The following RERE variants were observed in gnomAD, a reference collection of about 807,000 sequenced individuals.
RERE encodes the protein arginine-glutamic acid dipeptide repeats protein.
A neutral mutation model predicts 146.1 loss-of-function variants in RERE; 40 were observed. That is an observed-to-expected ratio of 0.27 (90% CI 0.21 to 0.36). The LOEUF (loss-of-function observed/expected upper bound fraction) is 0.36. Among genes scored for constraint, RERE ranks in the 10% least tolerant of loss-of-function variants. The pLI, the probability that RERE is intolerant of heterozygous loss-of-function variation, is 1.00. For synonymous variants in RERE, 1,003 were observed against 866.0 expected (o/e 1.16, Z -2.78); for missense variants, 1,933 against 2,138.7 (o/e 0.90, Z 1.90).
rs531206359 is a variant in RERE, at chr1:8,408,706, A to G, written c.1284+14021T>C. Among the ~76,000 whole-genome samples, 30 of 152,338 alleles carry G rather than the reference A, an allele frequency of 2.0e-4. 1 individual carries two copies. The highest frequency in any genetic ancestry group is 6.2e-4 in the South Asian group (3 of 4,826). ...ATATCCTCCACATTAAACAACAGGG[A>G]GGACTTTTCAAAATAAAAGCAGAAA... is the stretch of plus-strand genomic sequence containing the variant. On this transcript the variant is annotated intron_variant, in intron 12 of 22. Transcript: ENST00000400908.
At chr1:8,432,658 T>C (rs1398201304) in intron 11 of RERE, among the ~76,000 whole-genome samples, 5 of 152,208 alleles carry the variant, frequency 3.3e-5, no homozygotes, top group African/African-American at 1.2e-4. Context: ...GAGTATTTCA[T>C]GTCTTGTGTA....
intron 6 of RERE, among the ~76,000 whole-genome samples, chr1:8,546,423 T>C (rs1384616210): frequency 6.6e-6 from 1 of 152,222 alleles, no homozygotes; most frequent in Non-Finnish European, 1.5e-5. Context: ...TTTTCCTTAG[T>C]AAACTACAAT....
At chr1:8,585,711 G>T (rs1475629762) in intron 4 of RERE, among the ~76,000 whole-genome samples, 1 of 152,126 alleles carries the variant, frequency 6.6e-6, no homozygotes, top group African/African-American at 2.4e-5. Context: ...CATCAAATAG[G>T]TTTAAGAATA....
At chr1:8,433,191 G>A (rs562260801) in intron 11 of RERE, among the ~76,000 whole-genome samples, 6 of 152,310 alleles carry the variant, frequency 3.9e-5, no homozygotes, top group Admixed American at 3.9e-4. Flanking sequence ...GGTGCAAGAT[G>A]GGTGTCTAGG....
chr1:8,814,006 C>T (rs1641864405), intron 1 of RERE, among the ~76,000 whole-genome samples: 1 of 152,146 alleles, frequency 6.6e-6, no homozygotes, highest in Admixed American at 6.6e-5. Context: ...ATTTGGATTA[C>T]CTTTTTGTTG....
intron 8 of RERE, among the ~76,000 whole-genome samples, chr1:8,501,386 G>GA (rs1226809830): frequency 8.2e-5 from 5 of 60,930 alleles, no homozygotes; most frequent in Admixed American, 1.6e-4. Flanking sequence ...AAGGTGGGGG[G>GA]TCAGCCCCCC....
At chr1:8,773,980 C>G (rs1641006769) in intron 1 of RERE, among the ~76,000 whole-genome samples, 1 of 152,178 alleles carries the variant, frequency 6.6e-6, no homozygotes. Flanking sequence ...TTACTCAAGT[C>G]TTTGACATCA....
rs70982795 is a variant in RERE, at chr1:8,591,428, T to TAA, written c.522+23131_522+23132dup. On this transcript the variant is annotated intron_variant, in intron 4 of 22. Transcript: ENST00000400908. Reference sequence around the variant, plus strand: ...ATGGCCATCAGCACTCTTTTTGCTTTAAAAAAAAAAAAAAGAAAAGAAAAG... The same window carrying TAA: ...ATGGCCATCAGCACTCTTTTTGCTTTAAAAAAAAAAAAAAAAGAAAAGAAAAG... 5.4e-4 allele frequency among the ~76,000 whole-genome samples: 77 copies of TAA among 142,600 alleles called. No individual in the cohort carries two copies. In the East Asian group the frequency reaches 6.2e-3, roughly 11 times the overall value. The allele number at this position is 142,600 out of a possible 152,430, so 93.6% of individuals were successfully genotyped here.
intron 4 of RERE, among the ~76,000 whole-genome samples, chr1:8,575,601 G>A (rs1646285381): frequency 7.7e-6 from 1 of 129,186 alleles, no homozygotes; most frequent in Non-Finnish European, 1.6e-5. Flanking sequence ...TCACTATGTT[G>A]CCCAGGCTGG....
chr1:8,531,056 T>A (rs932878638), intron 7 of RERE, among the ~76,000 whole-genome samples: 2 of 148,658 alleles, frequency 1.3e-5, no homozygotes, highest in African/African-American at 5.1e-5. Flanking sequence ...TATCTATCTA[T>A]CTATCTATCT....
chr1:8,498,803 C>G (rs1301276768), intron 8 of RERE, among the ~76,000 whole-genome samples: 1 of 139,430 alleles, frequency 7.2e-6, no homozygotes, highest in African/African-American at 2.7e-5. Context: ...TAACAGAAAT[C>G]AGGGCAGTGA....
At chr1:8,617,405 A>C (rs1160032419) in intron 3 of RERE, among the ~76,000 whole-genome samples, 2 of 148,500 alleles carry the variant, frequency 1.3e-5, no homozygotes, top group Non-Finnish European at 2.9e-5. Context: ...CAAAATTAGA[A>C]ATCACAAATT....
At chr1:8,473,506 T>C (rs920037795) in intron 10 of RERE, among the ~76,000 whole-genome samples, 4 of 152,186 alleles carry the variant, frequency 2.6e-5, no homozygotes, top group African/African-American at 9.6e-5. Flanking sequence ...GGCTCCACTA[T>C]AACAAAAGTA....
At chr1:8,401,841 T>G (rs1195030129) in intron 12 of RERE, among the ~76,000 whole-genome samples, 4 of 152,126 alleles carry the variant, frequency 2.6e-5, no homozygotes, top group Non-Finnish European at 5.9e-5. Flanking sequence ...CAACACAGTG[T>G]AAGTGATGCT....
chr1:8,510,172 A>G (rs2124305203), intron 7 of RERE, among the ~76,000 whole-genome samples: 1 of 152,310 alleles, frequency 6.6e-6, no homozygotes, highest in East Asian at 1.9e-4. Flanking sequence ...CTGGCGAGGC[A>G]GCATCTGTAC....
intron 4 of RERE, among the ~76,000 whole-genome samples, chr1:8,582,992 C>T (rs1171073142): frequency 1.3e-5 from 2 of 152,156 alleles, no homozygotes; most frequent in Non-Finnish European, 2.9e-5. Context: ...GGGACAAAAG[C>T]CAACTAGCAA....
intron 1 of RERE, chr1:8,805,915 G>C (rs1200844077): frequency 7.3e-6 from 1 of 136,342 alleles, no homozygotes; most frequent in African/African-American, 2.8e-5. Flanking sequence ...GCAATGGCGC[G>C]ATTTCAGCTC....
chr1:8,364,049 G>A lies in RERE; in HGVS notation c.1740+7C>T, dbSNP rs367627065. On this transcript the variant is annotated splice_region_variant and intron_variant, in intron 15 of 22. Coordinates refer to ENST00000400908, the MANE Select transcript of RERE (RefSeq NM_001042681.2). The surrounding 1 kb of genome is among the most constrained non-coding windows in gnomAD (Gnocchi z 5.1). Reference sequence around the variant, plus strand: ...TGCCAGGAGCCCCATGGCCCCAGGGGACTCACCGAGCCCCGACTCCGCCGT... The same window carrying A: ...TGCCAGGAGCCCCATGGCCCCAGGGAACTCACCGAGCCCCGACTCCGCCGT... 6 of 1,613,514 alleles carry A rather than the reference G, an allele frequency of 3.7e-6. No homozygotes were observed. The highest frequency in any genetic ancestry group is 2.2e-5 in the South Asian group (2 of 91,054).
chr1:8,728,174 T>C (rs964396365), intron 1 of RERE, among the ~76,000 whole-genome samples: 2 of 152,218 alleles, frequency 1.3e-5, no homozygotes, highest in African/African-American at 4.8e-5. Context: ...AGACCTGCGG[T>C]AGCTGCAAAG....
Sources: gnomAD v4.1 joint callset for allele counts (sites outside exome capture counted in the v4.1 genomes callset) on GRCh38, gnomAD v4.1.1 for gene constraint, Gnocchi (gnomAD v3.1) non-coding constraint, MANE v1.5 for transcripts, NCBI Gene and HGNC (gene_info 2026-07-23, HGNC 2026-07-21) for gene names.